Variants in CC2D2A observed in about 807,000 individuals in gnomAD.
CC2D2A encodes the protein coiled-coil and C2 domain containing 2A.
Under a neutral mutation model 212.9 loss-of-function variants are expected in CC2D2A, and 155 were observed. The observed-to-expected ratio is 0.73, with a 90% CI of 0.64 to 0.83. CC2D2A has a LOEUF of 0.83. CC2D2A is among the 40% of genes least tolerant of loss of function. CC2D2A has a pLI of 0.00. For synonymous variants in CC2D2A, 667 were observed against 686.5 expected, an observed-to-expected ratio of 0.97 and a Z score of 0.44; for missense variants, 1,856 against 1,956.2, an observed-to-expected ratio of 0.95 and a Z score of 0.97.
chr4:15,516,294 C>A lies in CC2D2A; in HGVS notation c.1017+290C>A, dbSNP rs529865296. On this transcript the variant is annotated intron_variant, in intron 10 of 36. Transcript: ENST00000424120. Reference sequence around the variant, plus strand: ...TACTTGACAGAATTTTTAAATTATCCATAGGTAGAATAGTTTCACTTTTGA... The same window carrying A: ...TACTTGACAGAATTTTTAAATTATCAATAGGTAGAATAGTTTCACTTTTGA... Among the ~76,000 whole-genome samples, 4 of 152,178 alleles carry A rather than the reference C, an allele frequency of 2.6e-5. No homozygotes were observed. The East Asian group carries it at 7.7e-4, about 29-fold the overall frequency.
intron 1 of CC2D2A, among the ~76,000 whole-genome samples, chr4:15,474,488 A>G (rs1714040840): frequency 6.6e-6 from 1 of 152,228 alleles, no homozygotes; most frequent in Admixed American, 6.5e-5. Context: ...TGGATACAAA[A>G]AAAAAATAGA....
intron 11 of CC2D2A, among the ~76,000 whole-genome samples, chr4:15,526,320 A>G (rs1717508899): frequency 6.6e-6 from 1 of 152,214 alleles, no homozygotes; most frequent in Non-Finnish European, 1.5e-5. Context: ...ATTTCTACAC[A>G]TGAAAAATTA....
At chr4:15,584,906 C>CA (rs1187879960) in intron 30 of CC2D2A, among the ~76,000 whole-genome samples, 1 of 152,140 alleles carries the variant, frequency 6.6e-6, no homozygotes, top group Non-Finnish European at 1.5e-5. Flanking sequence ...TGTTCAACAT[C>CA]ACTAATCATC....
At chr4:15,480,681 A>C in intron 3 of CC2D2A, 23 bp from the exon 4 acceptor site, 1 of 1,603,052 alleles carries the variant, frequency 6.2e-7, no homozygotes. Flanking sequence ...GGAGTCTCTG[A>C]ACCTCTGACC....
chr4:15,526,851 T>G (rs1717536697), intron 11 of CC2D2A, among the ~76,000 whole-genome samples: 1 of 152,212 alleles, frequency 6.6e-6, no homozygotes, highest in Non-Finnish European at 1.5e-5. Flanking sequence ...GACATTCCTA[T>G]TGGAGACTTC....
At chr4:15,502,332 C>A in intron 4 of CC2D2A, 97 bp from the exon 5 acceptor site, 1 of 895,888 alleles carries the variant, frequency 1.1e-6, no homozygotes, top group Non-Finnish European at 1.7e-6. Flanking sequence ...ATTTAACCTT[C>A]CCTTTTGGGG....
chr4:15,481,912 G>A, intron 4 of CC2D2A: 1 of 985,388 alleles, frequency 1.0e-6, no homozygotes, highest in Non-Finnish European at 1.2e-6. Context: ...GAGGCTCCTG[G>A]TGACCTTGCC....
intron 4 of CC2D2A, among the ~76,000 whole-genome samples, chr4:15,489,177 C>T (rs921710823): frequency 6.6e-6 from 1 of 152,084 alleles, no homozygotes; most frequent in African/African-American, 2.4e-5. Context: ...AGTTCAGAAT[C>T]GAGTGAAATA....
intron 2 of CC2D2A, 43 bp from the exon 3 acceptor site, chr4:15,478,680 T>G: frequency 1.4e-6 from 2 of 1,446,926 alleles, no homozygotes; most frequent in Non-Finnish European, 1.9e-6. Context: ...GTCATACCTC[T>G]CTTCCTGTCT....
At chr4:15,514,187 TAA>T (rs1716730090) in intron 8 of CC2D2A, among the ~76,000 whole-genome samples, 1 of 152,208 alleles carries the variant, frequency 6.6e-6, no homozygotes, top group South Asian at 2.1e-4. Flanking sequence ...AACTATCTTA[TAA>T]GTGAGGAAAC....
intron 4 of CC2D2A, among the ~76,000 whole-genome samples, chr4:15,490,174 T>A (rs973070068): frequency 6.6e-6 from 1 of 152,216 alleles, no homozygotes; most frequent in Non-Finnish European, 1.5e-5. Flanking sequence ...ATCATAAAAT[T>A]CACCCATTGT....
chr4:15,601,403 CCTCT>C lies in CC2D2A; in HGVS notation c.4844_4847del (p.Ser1615LeufsTer16), dbSNP rs863225175. 1.0e-5 allele frequency: 16 copies of C among 1,543,904 alleles called. No individual in the cohort carries two copies. Among genetic ancestry groups the C allele is most frequent in the Non-Finnish European group, 1.4e-5 (16 of 1,141,256 alleles). ...GTTTTGTCTGTTTGGATCTATGTTG[CCTCT>C]CTTATACGCAACAGGTAATTTTTTT... is the stretch of plus-strand genomic sequence containing the variant. On this transcript the variant is annotated frameshift_variant, in exon 37 of 37. Transcript: ENST00000424120. LOFTEE classifies it high-confidence loss of function.
chr4:15,510,210 T>C lies in CC2D2A; in HGVS notation c.510T>C (p.Asp170=). ...GTTACTCAAGAGTCAAGTTCCATGA[T>C]TCTGCACGAAAAATCAAGCCTAAAC... ...SQSYSRVKFH[D]SARKIKPKPQ... The change falls in exon 7 of 37, where the codon GAT becomes GAC. Residue 170 remains aspartate (D), a synonymous_variant. Transcript: ENST00000424120. 1 of 1,612,234 alleles carries C rather than the reference T, an allele frequency of 6.2e-7. No homozygotes were observed. The highest frequency in any genetic ancestry group is 8.5e-7 in the Non-Finnish European group (1 of 1,179,468).
At chr4:15,503,956 C>T (rs928177856) in intron 6 of CC2D2A, among the ~76,000 whole-genome samples, 2 of 152,036 alleles carry the variant, frequency 1.3e-5, no homozygotes, top group South Asian at 2.1e-4. Context: ...GAGGGGTAAG[C>T]GCTAAGACGG....
chr4:15,533,403 A>C, intron 14 of CC2D2A, 70 bp downstream of exon 14: 1 of 1,167,758 alleles, frequency 8.6e-7, no homozygotes, highest in Non-Finnish European at 1.2e-6. Context: ...AAACATGGAT[A>C]CAGTTTTAAA....
chr4:15,499,197 A>G (rs1045842902), intron 4 of CC2D2A, among the ~76,000 whole-genome samples: 1 of 152,216 alleles, frequency 6.6e-6, no homozygotes, highest in Non-Finnish European at 1.5e-5. Flanking sequence ...ATGTGTCATT[A>G]TAAGCTTTAT....
chr4:15,509,368 G>C (rs1305980333), intron 6 of CC2D2A, among the ~76,000 whole-genome samples: 1 of 151,500 alleles, frequency 6.6e-6, no homozygotes, highest in Non-Finnish European at 1.5e-5. Context: ...CTGCCTCCCA[G>C]GTTCAAGGGA....
At chr4:15,534,376 GCTTCCC>G (rs1718011131) in intron 14 of CC2D2A, among the ~76,000 whole-genome samples, 1 of 152,052 alleles carries the variant, frequency 6.6e-6, no homozygotes, top group Non-Finnish European at 1.5e-5. Flanking sequence ...CTTTTTAAAT[GCTTCCC>G]CTGAGTCATA....
rs570330392 is a variant in CC2D2A, at chr4:15,512,115, G to A, written c.717+692G>A. Among the ~76,000 whole-genome samples the A allele has an allele frequency of 8.5e-5, 13 of 152,336 alleles. No homozygotes were observed. The South Asian group carries it at 2.5e-3, about 29-fold the overall frequency. On this transcript the variant is annotated intron_variant, in intron 8 of 36. Coordinates refer to ENST00000424120, the MANE Select transcript of CC2D2A (RefSeq NM_001378615.1). ...ACTTTGGTGCGTTGCTTGTAGCCATGTAAAACAGTGCAGCTGCTGTGAAAA... is the reference window on the plus strand; with the variant it reads ...ACTTTGGTGCGTTGCTTGTAGCCATATAAAACAGTGCAGCTGCTGTGAAAA...
Sources: allele counts gnomAD v4.1 joint callset (sites outside exome capture counted in the v4.1 genomes callset), GRCh38; gene constraint gnomAD v4.1.1; transcripts MANE v1.5; gene names NCBI Gene and HGNC (gene_info 2026-07-23, HGNC 2026-07-21).